GALNT13: variants seen among roughly 807,000 people sequenced by gnomAD.
The protein encoded by GALNT13 is polypeptide N-acetylgalactosaminyltransferase 13.
A neutral mutation model predicts 64.2 loss-of-function variants in GALNT13; 28 were observed. The ratio of observed to expected loss-of-function variants is 0.44; its 90% CI spans 0.32 to 0.60. The LOEUF (loss-of-function observed/expected upper bound fraction) is 0.60, where lower values mean the gene tolerates loss of function less well. GALNT13 is among the 20% of genes least tolerant of loss of function. GALNT13 has a pLI of 0.05. For synonymous variants in GALNT13, 214 were observed against 224.6 expected, an observed-to-expected ratio of 0.95 and a Z score of 0.42; for missense variants, 577 against 669.8, an observed-to-expected ratio of 0.86 and a Z score of 1.53.
At position 154,245,986 on chromosome 2, in the gene GALNT13, T is replaced by C. The variant is rs556946096; in HGVS notation, c.857+4T>C. ...GAGACAGAACATTACCTGTCAGGTATGTAGATCATATCTCTTGAAGATTAT... is the reference window on the plus strand; with the variant it reads ...GAGACAGAACATTACCTGTCAGGTACGTAGATCATATCTCTTGAAGATTAT... On this transcript the variant is annotated splice_donor_region_variant and intron_variant, in intron 7 of 12. Transcript: ENST00000392825. The C allele has an allele frequency of 1.2e-6, 2 of 1,604,802 alleles. No homozygotes were observed. The highest frequency in any genetic ancestry group is 1.3e-5 in the African/African-American group (1 of 74,874).
the GALNT13 span, among the ~76,000 whole-genome samples, chr2:153,258,188 G>A: frequency 1.2e-4 from 18 of 152,196 alleles, no homozygotes; most frequent in Non-Finnish European, 2.9e-5. Flanking sequence ...TGGGCTTTAT[G>A]CAAATAATCA....
intron 11 of GALNT13, among the ~76,000 whole-genome samples, chr2:154,416,476 A>G (rs1274267126): frequency 6.6e-6 from 1 of 151,682 alleles, no homozygotes; most frequent in African/African-American, 2.4e-5. Context: ...CTGGATTTCA[A>G]TGCATGAATT....
intron 10 of GALNT13, among the ~76,000 whole-genome samples, chr2:154,404,804 G>T (rs1341910269): frequency 6.6e-6 from 1 of 151,992 alleles, no homozygotes; most frequent in African/African-American, 2.4e-5. Context: ...GGTAAATGGG[G>T]TCAGGAGGTC....
the GALNT13 span, among the ~76,000 whole-genome samples, chr2:153,277,991 A>G: frequency 8.3e-6 from 1 of 119,914 alleles, no homozygotes; most frequent in Non-Finnish European, 1.6e-5. Context: ...CAGTGTAGCG[A>G]TCTCGGCTCA....
At chr2:154,258,402 G>C (rs941843711) in intron 7 of GALNT13, among the ~76,000 whole-genome samples, 2 of 151,984 alleles carry the variant, frequency 1.3e-5, no homozygotes, top group African/African-American at 4.8e-5. Flanking sequence ...AATCCTATGG[G>C]ATATATGTTT....
chr2:153,807,361 C>G, the GALNT13 span, among the ~76,000 whole-genome samples: 1 of 151,844 alleles, frequency 6.6e-6, no homozygotes. Flanking sequence ...ACTTCCTTTT[C>G]TCACTGAAAA....
the GALNT13 span, among the ~76,000 whole-genome samples, chr2:153,356,950 A>C: frequency 2.6e-5 from 4 of 151,730 alleles, no homozygotes; most frequent in Non-Finnish European, 5.9e-5. Flanking sequence ...GGCACCTGCC[A>C]CCACGCCCAG....
chr2:153,954,852 C>G (rs1249246098), intron 3 of GALNT13, among the ~76,000 whole-genome samples: 1 of 152,072 alleles, frequency 6.6e-6, no homozygotes, highest in Non-Finnish European at 1.5e-5. Context: ...AAACGGTAGA[C>G]TGTGTTGTGC....
the GALNT13 span, among the ~76,000 whole-genome samples, chr2:153,115,479 G>A: frequency 2.4e-4 from 37 of 152,226 alleles, no homozygotes; most frequent in South Asian, 7.5e-3. Flanking sequence ...CTTGATTTTG[G>A]TAATCATACT....
At chr2:153,894,187 T>A (rs980792948) in intron 1 of GALNT13, among the ~76,000 whole-genome samples, 3 of 151,636 alleles carry the variant, frequency 2.0e-5, no homozygotes, top group African/African-American at 7.3e-5. Flanking sequence ...TGAAAAAAAA[T>A]GAAACAAAGG....
At chr2:153,493,312 G>A in the GALNT13 span, among the ~76,000 whole-genome samples, 96 of 151,516 alleles carry the variant, frequency 6.3e-4, no homozygotes, top group African/African-American at 2.2e-3. Context: ...AGGGAGAAAG[G>A]AAAAATTGCT....
At chr2:153,785,452 C>A in the GALNT13 span, among the ~76,000 whole-genome samples, 1 of 152,152 alleles carries the variant, frequency 6.6e-6, no homozygotes, top group Non-Finnish European at 1.5e-5. Context: ...TCTGAGGCGA[C>A]TATGGACTGG....
the GALNT13 span, among the ~76,000 whole-genome samples, chr2:153,790,022 T>C: frequency 0.012 from 1,776 of 152,198 alleles, 43 homozygotes; most frequent in African/African-American, 0.041. Flanking sequence ...GAGCTGGTAA[T>C]ATTCCTACTA....
the GALNT13 span, among the ~76,000 whole-genome samples, chr2:153,311,387 TAAGA>T: frequency 2.6e-5 from 4 of 152,228 alleles, no homozygotes; most frequent in Non-Finnish European, 5.9e-5. Context: ...AACTGCATGT[TAAGA>T]AAGTGTATCA....
At chr2:153,840,432 A>T in the GALNT13 span, among the ~76,000 whole-genome samples, 1 of 152,152 alleles carries the variant, frequency 6.6e-6, no homozygotes, top group Non-Finnish European at 1.5e-5. Flanking sequence ...TAATAAAGCA[A>T]TAACCTTCTG....
intron 3 of GALNT13, among the ~76,000 whole-genome samples, chr2:153,999,761 A>T (rs1695775160): frequency 6.6e-6 from 1 of 151,948 alleles, no homozygotes; most frequent in South Asian, 2.1e-4. Flanking sequence ...TATTAGTGAT[A>T]CTGGCCTGTA....
chr2:153,717,642 TTTAA>T, the GALNT13 span, among the ~76,000 whole-genome samples: 3 of 152,234 alleles, frequency 2.0e-5, no homozygotes, highest in South Asian at 2.1e-4. Flanking sequence ...TTCTACATAT[TTTAA>T]TTCTTTCTAG....
the GALNT13 span, among the ~76,000 whole-genome samples, chr2:153,534,408 T>G: frequency 1.3e-5 from 2 of 152,134 alleles, no homozygotes; most frequent in African/African-American, 4.8e-5. Context: ...CCGATTTGTT[T>G]CTCCCCTTTT....
chr2:153,291,232 T>A, the GALNT13 span, among the ~76,000 whole-genome samples: 11 of 152,312 alleles, frequency 7.2e-5, 2 homozygotes, highest in Middle Eastern at 0.017. Flanking sequence ...TACAGAATGA[T>A]ATAGCATTTG....
Sources: allele counts gnomAD v4.1 joint callset (sites outside exome capture counted in the v4.1 genomes callset), GRCh38; gene constraint gnomAD v4.1.1; transcripts MANE v1.5; gene names NCBI Gene and HGNC (gene_info 2026-07-23, HGNC 2026-07-21).